The following TXNDC9 variants were observed in gnomAD, a reference collection of about 807,000 sequenced individuals.
TXNDC9 encodes thioredoxin domain containing 9.
Under a neutral mutation model 23.0 loss-of-function variants are expected in TXNDC9, and 7 were observed. That is an observed-to-expected ratio of 0.30 (90% CI 0.17 to 0.57). The LOEUF is 0.57. Among genes scored for constraint, TXNDC9 ranks in the 20% least tolerant of loss-of-function variants. The probability of loss-of-function intolerance (pLI) is 0.90; values close to 1 mark genes in which losing one functional copy is unlikely to be tolerated. For missense variants in TXNDC9, 198 were observed against 252.6 expected (o/e 0.78, Z 1.47); for synonymous variants, 72 against 90.6 (o/e 0.79, Z 1.17).
At chr2:99,333,768 C>T (rs1407993911) in intron 1 of TXNDC9, among the ~76,000 whole-genome samples, 1 of 152,120 alleles carries the variant, frequency 6.6e-6, no homozygotes, top group African/African-American at 2.4e-5. Flanking sequence ...ACTCCTAAGA[C>T]GTCTCATTAC....
downstream of TXNDC9, among the ~76,000 whole-genome samples, chr2:99,317,829 C>G (rs543618270): frequency 2.0e-3 from 306 of 152,154 alleles, 2 homozygotes; most frequent in Middle Eastern, 0.01. Context: ...CAGTTTAATC[C>G]AGTTAAATTC....
the TXNDC9 span, among the ~76,000 whole-genome samples, chr2:99,313,146 G>T: frequency 6.6e-6 from 1 of 151,778 alleles, no homozygotes; most frequent in Non-Finnish European, 1.5e-5. Flanking sequence ...TGGACAACAA[G>T]AGCGAAACTC....
downstream of TXNDC9, among the ~76,000 whole-genome samples, chr2:99,316,180 CA>C (rs2094188750): frequency 7.2e-6 from 1 of 138,660 alleles, no homozygotes; most frequent in Non-Finnish European, 1.6e-5. Flanking sequence ...AAAACAAAAA[CA>C]AAAAACAAAA....
chr2:99,325,878 G>A (rs1242053089), intron 3 of TXNDC9, among the ~76,000 whole-genome samples: 12 of 152,106 alleles, frequency 7.9e-5, no homozygotes, highest in Admixed American at 2.6e-4. Flanking sequence ...GGGTGTAGTG[G>A]TGGGTGACTG....
intron 4 of TXNDC9, chr2:99,321,235 A>G (rs982567823): frequency 5.3e-5 from 8 of 152,262 alleles, no homozygotes; most frequent in East Asian, 1.9e-4. Context: ...AGAACCTTCT[A>G]CTTCCTGAAA....
the TXNDC9 span, among the ~76,000 whole-genome samples, chr2:99,307,013 C>CCTT: frequency 1.3e-5 from 1 of 75,262 alleles, no homozygotes; most frequent in Admixed American, 1.7e-4. Context: ...TTCCCTCCCT[C>CCTT]CCTTCCTTCC....
rs1439361538 is a variant in TXNDC9 at position 99,333,307 on chromosome 2, A to G, written c.-32-65T>C. On this transcript the variant is annotated intron_variant, in intron 1 of 4. Coordinates refer to ENST00000264255, the MANE Select transcript of TXNDC9 (RefSeq NM_005783.4). ...AACAATAAGCAAGGTTTTCTCTACC[A>G]TTTTCAAAAATTCTGGCAAGTGTAT... The G allele has an allele frequency of 2.4e-5, 34 of 1,388,208 alleles. No individual in the cohort carries two copies. In the Admixed American group the frequency reaches 8.8e-4, roughly 36 times the overall value. The allele number at this position is 1,388,208 out of a possible 1,614,324, so 86.0% of individuals were successfully genotyped here. A position where few individuals can be genotyped will look rare whatever the true frequency, so the allele number is the denominator to read the frequency against.
chr2:99,334,324 C>T (rs2094233462), intron 1 of TXNDC9, among the ~76,000 whole-genome samples: 1 of 152,194 alleles, frequency 6.6e-6, no homozygotes, highest in South Asian at 2.1e-4. Flanking sequence ...ACTTGCACCC[C>T]ACCCTGGGCA....
chr2:99,317,234 T>C (rs1457512475), downstream of TXNDC9, among the ~76,000 whole-genome samples: 1 of 152,226 alleles, frequency 6.6e-6, no homozygotes, highest in Non-Finnish European at 1.5e-5. Context: ...TTTGATTGCT[T>C]TTTCGCTCCT....
chr2:99,334,472 C>T (rs1479286495), intron 1 of TXNDC9, among the ~76,000 whole-genome samples: 1 of 152,196 alleles, frequency 6.6e-6, no homozygotes, highest in East Asian at 1.9e-4. Context: ...CCAGATGGTA[C>T]AGCCTGCTAC....
chr2:99,316,418 C>A (rs575132458), downstream of TXNDC9, among the ~76,000 whole-genome samples: 14 of 152,218 alleles, frequency 9.2e-5, no homozygotes, highest in African/African-American at 3.4e-4. Context: ...AGCACTCCTG[C>A]CTCAAGCTCC....
At chr2:99,317,211 CCT>C (rs2094191245), downstream of TXNDC9, among the ~76,000 whole-genome samples, 1 of 152,068 alleles carries the variant, frequency 6.6e-6, no homozygotes, top group African/African-American at 2.4e-5. Context: ...ACCTATTGAC[CCT>C]CTCAGTTTCC....
intron 2 of TXNDC9, chr2:99,332,692 T>C (rs2094228896): frequency 8.8e-6 from 2 of 227,640 alleles, no homozygotes; most frequent in South Asian, 2.0e-4. Context: ...CTCGTTTGCT[T>C]TGAAAATAGC....
chr2:99,309,989 C>T, the TXNDC9 span, among the ~76,000 whole-genome samples: 3 of 152,134 alleles, frequency 2.0e-5, no homozygotes, highest in Middle Eastern at 3.4e-3. Context: ...CCAGCCTCCT[C>T]GGGCAAATTT....
intron 2 of TXNDC9, among the ~76,000 whole-genome samples, chr2:99,331,295 C>A (rs1224439829): frequency 6.6e-6 from 1 of 151,884 alleles, no homozygotes; most frequent in Non-Finnish European, 1.5e-5. Flanking sequence ...CCAATTGGGC[C>A]TGGTGTGGGG....
chr2:99,323,695 C>T (rs2094207419), intron 3 of TXNDC9, among the ~76,000 whole-genome samples: 1 of 152,144 alleles, frequency 6.6e-6, no homozygotes, highest in Non-Finnish European at 1.5e-5. Context: ...AAGATTACAC[C>T]ACTGCACTCC....
chr2:99,333,334 A>C, intron 1 of TXNDC9, 92 bp from the exon 2 acceptor site: 1 of 1,022,270 alleles, frequency 9.8e-7, no homozygotes, highest in Non-Finnish European at 1.4e-6. Flanking sequence ...CAAGTGTATA[A>C]TGTGTACTCT....
intron 3 of TXNDC9, 181 bp from the exon 4 acceptor site, chr2:99,322,390 G>T: frequency 8.3e-7 from 1 of 1,211,712 alleles, no homozygotes; most frequent in Non-Finnish European, 1.1e-6. Flanking sequence ...GCCTGATTAC[G>T]AGATGGGAAA....
chr2:99,333,550 T>C (rs2094230975), intron 1 of TXNDC9, among the ~76,000 whole-genome samples: 1 of 151,906 alleles, frequency 6.6e-6, no homozygotes, highest in East Asian at 1.9e-4. Flanking sequence ...GAGAAATGAG[T>C]TGTGAAGTTA....
Sources: allele counts gnomAD v4.1 joint callset (sites outside exome capture counted in the v4.1 genomes callset), GRCh38; gene constraint gnomAD v4.1.1; transcripts MANE v1.5; gene names NCBI Gene and HGNC (gene_info 2026-07-23, HGNC 2026-07-21).